TLK2: variants seen among roughly 807,000 people sequenced by gnomAD.
TLK2 encodes tousled like kinase 2.
Under a neutral mutation model 117.3 loss-of-function variants are expected in TLK2, and 6 were observed. The observed-to-expected ratio is 0.05, with a 90% confidence interval of 0.03 to 0.10. The LOEUF is 0.10. Ranked by LOEUF, TLK2 falls within the 10% of genes least tolerant of loss-of-function variation. The pLI, the probability that TLK2 is intolerant of heterozygous loss-of-function variation, is 1.00. For synonymous variants in TLK2, 257 were observed against 316.7 expected, an observed-to-expected ratio of 0.81 and a Z score of 2.00; for missense variants, 299 against 901.2, an observed-to-expected ratio of 0.33 and a Z score of 8.56.
At chr17:62,479,786 C>T (rs563001449) in intron 1 of TLK2, among the ~76,000 whole-genome samples, 15 of 152,286 alleles carry the variant, frequency 9.8e-5, no homozygotes, top group African/African-American at 3.6e-4. Flanking sequence ...GAATAACCGC[C>T]GGGGCGTCAT....
intron 1 of TLK2, among the ~76,000 whole-genome samples, chr17:62,479,948 T>C (rs1033163690): frequency 1.3e-5 from 2 of 152,200 alleles, no homozygotes; most frequent in Non-Finnish European, 1.5e-5. Context: ...CCCAGTCTCT[T>C]TTTTTTCCTT....
At position 62,510,446 on chromosome 17, in the gene TLK2, A is replaced by C. The variant is rs9893923; in HGVS notation, c.82-10327A>C. ...TTACTGATCTTCTTATGCTTTCCTC[A>C]TCTGTAAGTGAGTAATAAGAGCAGC... On this transcript the variant is annotated intron_variant, in intron 2 of 21. Coordinates refer to ENST00000346027, the MANE Select transcript of TLK2 (RefSeq NM_006852.6). Among the ~76,000 whole-genome samples, 1,045 of 152,312 alleles carry C rather than the reference A, an allele frequency of 6.9e-3. 7 individuals carry two copies. Among genetic ancestry groups the C allele is most frequent in the African/African-American group, 0.023 (972 of 41,564 alleles).
rs1761864325 is a variant in TLK2 at position 62,573,042 on chromosome 17, C to CT, written c.969-172dup. The CT allele has an allele frequency of 9.5e-6, 6 of 630,444 alleles. No individual in the cohort carries two copies. In the East Asian group the frequency reaches 1.8e-4, roughly 18 times the overall value. 39.1% of individuals were successfully genotyped at this position (630,444 alleles called of 1,614,324 possible). ...GCACAGACTCATTCCCAGAAAACATCTATCACCAATTATTTGGCCCTTCCA... is the reference window on the plus strand; with the variant it reads ...GCACAGACTCATTCCCAGAAAACATCTTATCACCAATTATTTGGCCCTTCCA... On this transcript the variant is annotated intron_variant, in intron 11 of 21. Coordinates refer to ENST00000346027, the MANE Select transcript of TLK2 (RefSeq NM_006852.6).
At chr17:62,580,653 T>C (rs2081145280) in intron 15 of TLK2, among the ~76,000 whole-genome samples, 1 of 152,210 alleles carries the variant, frequency 6.6e-6, no homozygotes, top group Non-Finnish European at 1.5e-5. Context: ...TGAAAGAGTG[T>C]CCTGGCTTAG....
intron 2 of TLK2, among the ~76,000 whole-genome samples, chr17:62,487,378 A>G (rs1386330097): frequency 1.3e-5 from 2 of 151,518 alleles, no homozygotes; most frequent in African/African-American, 4.8e-5. Flanking sequence ...GAAAGACTAG[A>G]TAAGTCAGCA....
intron 7 of TLK2, among the ~76,000 whole-genome samples, chr17:62,540,075 T>C (rs1286477895): frequency 7.2e-6 from 1 of 138,030 alleles, no homozygotes; most frequent in Non-Finnish European, 1.6e-5. Flanking sequence ...TCTCCTTTCT[T>C]CTTTCTTCTT....
intron 8 of TLK2, among the ~76,000 whole-genome samples, chr17:62,553,190 T>C (rs2078605087): frequency 6.6e-6 from 1 of 152,052 alleles, no homozygotes; most frequent in African/African-American, 2.4e-5. Context: ...CTGGAGCACA[T>C]TTGAATTTTA....
intron 2 of TLK2, among the ~76,000 whole-genome samples, chr17:62,488,744 A>G (rs1317399419): frequency 6.6e-6 from 1 of 152,010 alleles, no homozygotes; most frequent in East Asian, 1.9e-4. Flanking sequence ...CAGAAATTAC[A>G]ACAGATATTT....
intron 2 of TLK2, chr17:62,516,222 G>T: frequency 1.4e-6 from 1 of 726,690 alleles, no homozygotes; most frequent in Non-Finnish European, 2.3e-6. Context: ...ACCGCGCCCG[G>T]CTCTCCCTGT....
At chr17:62,516,885 A>T in intron 2 of TLK2, 1 of 675,048 alleles carries the variant, frequency 1.5e-6, no homozygotes, top group Non-Finnish European at 2.6e-6. Context: ...CTTTCATTTC[A>T]TTTGCATGTA....
chr17:62,490,400 C>A (rs926422844), intron 2 of TLK2, among the ~76,000 whole-genome samples: 2 of 152,186 alleles, frequency 1.3e-5, no homozygotes, highest in Non-Finnish European at 2.9e-5. Flanking sequence ...TCACTCTTAT[C>A]CTGAGGGTGT....
intron 1 of TLK2, among the ~76,000 whole-genome samples, chr17:62,472,461 G>A (rs571923824): frequency 2.0e-5 from 3 of 152,000 alleles, no homozygotes; most frequent in South Asian, 2.1e-4. Flanking sequence ...GAGGCTGGCC[G>A]GGCACGGTGG....
chr17:62,536,395 G>A lies in TLK2; in HGVS notation c.531+58G>A, dbSNP rs564892307. 3.5e-5 allele frequency: 53 copies of A among 1,508,354 alleles called. No homozygotes were observed. In the South Asian group the frequency reaches 6.7e-4, roughly 19 times the overall value. 93.4% of individuals were successfully genotyped at this position (1,508,354 alleles called of 1,614,324 possible). ...TTCCATTGCCCTAGTGCTCCTTGAT[G>A]AGGTTGGATTAATTATTTTGATAGA... On this transcript the variant is annotated intron_variant, in intron 7 of 21. Transcript: ENST00000346027.
chr17:62,595,597 T>C (rs1277460144), intron 16 of TLK2, among the ~76,000 whole-genome samples: 1 of 151,548 alleles, frequency 6.6e-6, no homozygotes, highest in Non-Finnish European at 1.5e-5. Context: ...CATGGGAAGC[T>C]CTGTTATACT....
At chr17:62,564,672 C>T (rs1351350968) in intron 10 of TLK2, among the ~76,000 whole-genome samples, 5 of 151,778 alleles carry the variant, frequency 3.3e-5, no homozygotes, top group African/African-American at 2.4e-5. Context: ...CATGACTCTG[C>T]ACTCCAGTCT....
chr17:62,511,414 A>C (rs565666900), intron 2 of TLK2, among the ~76,000 whole-genome samples: 38 of 152,346 alleles, frequency 2.5e-4, no homozygotes, highest in Admixed American at 8.5e-4. Context: ...CCTGTCACTC[A>C]GGCTGGAATG....
chr17:62,590,783 G>A (rs199856243), intron 16 of TLK2, among the ~76,000 whole-genome samples: 3 of 152,150 alleles, frequency 2.0e-5, no homozygotes, highest in South Asian at 2.1e-4. Context: ...CCAACAAGAT[G>A]GTATTAAATC....
chr17:62,548,236 A>ATGTGTG (rs759563217), intron 7 of TLK2, among the ~76,000 whole-genome samples: 229 of 31,160 alleles, frequency 7.3e-3, no homozygotes, highest in South Asian at 0.029. Flanking sequence ...CCATATATAT[A>ATGTGTG]TATATGTGTG....
intron 2 of TLK2, among the ~76,000 whole-genome samples, chr17:62,487,036 G>A (rs966211233): frequency 2.0e-5 from 3 of 152,234 alleles, no homozygotes; most frequent in African/African-American, 7.2e-5. Flanking sequence ...GCTTACGCCT[G>A]TAATCCCAGC....
Sources: allele counts gnomAD v4.1 joint callset (sites outside exome capture counted in the v4.1 genomes callset), GRCh38; gene constraint gnomAD v4.1.1; transcripts MANE v1.5; gene names NCBI Gene and HGNC (gene_info 2026-07-23, HGNC 2026-07-21).